Variants in MAP7 observed in about 807,000 individuals in gnomAD.
The protein encoded by MAP7 is microtubule associated protein 7.
Under a neutral mutation model 94.8 loss-of-function variants are expected in MAP7, and 52 were observed. That is an observed-to-expected ratio of 0.55 (90% CI 0.44 to 0.69). MAP7 has a LOEUF of 0.69. MAP7 is among the 30% of genes least tolerant of loss of function. The pLI, the probability that MAP7 is intolerant of heterozygous loss-of-function variation, is 0.00. For synonymous variants in MAP7, 350 were observed against 357.0 expected (o/e 0.98, Z 0.22); for missense variants, 940 against 964.6 (o/e 0.97, Z 0.34).
At chr6:136,468,921 G>T (rs1361723112) in intron 1 of MAP7, among the ~76,000 whole-genome samples, 2 of 152,088 alleles carry the variant, frequency 1.3e-5, no homozygotes, top group Non-Finnish European at 2.9e-5. Context: ...CAGAAGAAAG[G>T]CAGGGAAAGA....
chr6:136,400,415 CAA>C (rs756984331), intron 3 of MAP7, among the ~76,000 whole-genome samples: 16 of 62,092 alleles, frequency 2.6e-4, no homozygotes, highest in Admixed American at 9.2e-4. Flanking sequence ...GACTCTGTCT[CAA>C]AAAAAAAAAA....
intron 1 of MAP7, among the ~76,000 whole-genome samples, chr6:136,497,868 C>T (rs139812034): frequency 2.7e-4 from 41 of 151,666 alleles, no homozygotes; most frequent in African/African-American, 9.5e-4. Context: ...CTGTTTTTCC[C>T]TAGCCCCTCT....
intron 1 of MAP7, among the ~76,000 whole-genome samples, chr6:136,507,567 A>G (rs2129022263): frequency 6.6e-6 from 1 of 152,250 alleles, no homozygotes; most frequent in East Asian, 1.9e-4. Flanking sequence ...AAAACACAAA[A>G]TTTAGACATC....
At chr6:136,428,743 A>T (rs963602208) in intron 1 of MAP7, among the ~76,000 whole-genome samples, 1 of 152,196 alleles carries the variant, frequency 6.6e-6, no homozygotes, top group Non-Finnish European at 1.5e-5. Flanking sequence ...ACAGTCTCCA[A>T]ATAAATGGAA....
intron 1 of MAP7, among the ~76,000 whole-genome samples, chr6:136,431,337 G>T (rs914672221): frequency 2.0e-4 from 31 of 152,070 alleles, no homozygotes; most frequent in Admixed American, 5.9e-4. Flanking sequence ...ACAAAAAAAT[G>T]TGTTCCACAT....
intron 1 of MAP7, among the ~76,000 whole-genome samples, chr6:136,461,782 A>G (rs1026207458): frequency 1.3e-5 from 2 of 152,162 alleles, no homozygotes; most frequent in African/African-American, 4.8e-5. Context: ...AGTGGAATTT[A>G]CTCATACGCT....
At chr6:136,344,865 C>T (rs1308299856) in intron 17 of MAP7, among the ~76,000 whole-genome samples, 2 of 152,166 alleles carry the variant, frequency 1.3e-5, no homozygotes, top group East Asian at 3.8e-4. Context: ...GGTTATCACA[C>T]CGAATTAAAA....
chr6:136,536,647 G>A (rs1003547171), intron 1 of MAP7, among the ~76,000 whole-genome samples: 1 of 152,218 alleles, frequency 6.6e-6, no homozygotes, highest in African/African-American at 2.4e-5. Flanking sequence ...CCACAGGCAT[G>A]AAGACACTTG....
chr6:136,525,488 C>T (rs1827581079), intron 1 of MAP7, among the ~76,000 whole-genome samples: 1 of 152,152 alleles, frequency 6.6e-6, no homozygotes, highest in African/African-American at 2.4e-5. Context: ...GGGAGATGTT[C>T]GTTTAAACCT....
intron 1 of MAP7, among the ~76,000 whole-genome samples, chr6:136,500,014 A>G (rs1422429558): frequency 6.6e-6 from 1 of 152,084 alleles, no homozygotes; most frequent in Admixed American, 6.6e-5. Flanking sequence ...ACAAACAAAC[A>G]AAAACAGTTG....
intron 1 of MAP7, among the ~76,000 whole-genome samples, chr6:136,458,255 C>T (rs932734105): frequency 3.3e-5 from 5 of 151,960 alleles, no homozygotes; most frequent in African/African-American, 4.8e-5. Flanking sequence ...AATCATAAAA[C>T]GTTGATTAAA....
chr6:136,478,704 A>G (rs1811730893), intron 1 of MAP7, among the ~76,000 whole-genome samples: 1 of 152,118 alleles, frequency 6.6e-6, no homozygotes, highest in Non-Finnish European at 1.5e-5. Flanking sequence ...GAAGAAATGG[A>G]TAAATTCCTA....
chr6:136,349,801 G>A (rs1187930437), intron 16 of MAP7, among the ~76,000 whole-genome samples: 3 of 152,094 alleles, frequency 2.0e-5, no homozygotes, highest in Admixed American at 6.5e-5. Flanking sequence ...AATGGCTTTG[G>A]GGCAAAGGGG....
intron 1 of MAP7, among the ~76,000 whole-genome samples, chr6:136,430,775 A>C (rs1275671783): frequency 6.6e-6 from 1 of 151,934 alleles, no homozygotes; most frequent in Non-Finnish European, 1.5e-5. Flanking sequence ...TTTTTCCCTC[A>C]CTAGAACACC....
At chr6:136,353,990 A>C (rs1790019249) in intron 16 of MAP7, among the ~76,000 whole-genome samples, 1 of 151,754 alleles carries the variant, frequency 6.6e-6, no homozygotes, top group Non-Finnish European at 1.5e-5. Flanking sequence ...AAGTAGTTTT[A>C]TTATTTATGT....
chr6:136,420,155 C>A, intron 2 of MAP7: 2 of 910,736 alleles, frequency 2.2e-6, no homozygotes, highest in Non-Finnish European at 3.7e-6. Flanking sequence ...ATTTTTGGCA[C>A]CATCTTCATT....
chr6:136,529,484 T>C (rs1460899263), intron 1 of MAP7, among the ~76,000 whole-genome samples: 1 of 152,200 alleles, frequency 6.6e-6, no homozygotes, highest in South Asian at 2.1e-4. Flanking sequence ...TATCCTTGCA[T>C]GTCACATGCA....
intron 1 of MAP7, among the ~76,000 whole-genome samples, chr6:136,429,757 C>A (rs1232287492): frequency 6.6e-6 from 1 of 152,128 alleles, no homozygotes; most frequent in East Asian, 1.9e-4. Flanking sequence ...ACCAAAAAGG[C>A]TTTTATCTAA....
intron 1 of MAP7, among the ~76,000 whole-genome samples, chr6:136,544,212 G>A (rs768948434): frequency 1.3e-5 from 2 of 152,276 alleles, no homozygotes; most frequent in East Asian, 1.9e-4. Flanking sequence ...ATGAGCCACC[G>A]CACCTGGACT....
Sources: gnomAD v4.1 joint callset for allele counts (sites outside exome capture counted in the v4.1 genomes callset) on GRCh38, gnomAD v4.1.1 for gene constraint, MANE v1.5 for transcripts, NCBI Gene and HGNC (gene_info 2026-07-23, HGNC 2026-07-21) for gene names.